KLHL29: variants seen among roughly 807,000 people sequenced by gnomAD.
The protein encoded by KLHL29 is kelch like family member 29.
KLHL29 carries 21 observed loss-of-function variants against 80.4 expected under a neutral mutation model. The ratio of observed to expected loss-of-function variants is 0.26; its 90% CI spans 0.19 to 0.38. KLHL29 has a LOEUF of 0.38. KLHL29 is among the 10% of genes least tolerant of loss of function. KLHL29 has a pLI of 1.00. For synonymous variants in KLHL29, 511 were observed against 526.8 expected, an observed-to-expected ratio of 0.97 and a Z score of 0.41; for missense variants, 867 against 1,223.9, an observed-to-expected ratio of 0.71 and a Z score of 4.35.
In KLHL29 at chr2:23,411,719, T is replaced by C. The variant is rs187624747; in HGVS notation, c.-154+25939T>C. 2.4e-4 allele frequency among the ~76,000 whole-genome samples: 36 copies of C among 152,250 alleles called. No homozygotes were observed. The East Asian group carries it at 6.6e-3, about 28-fold the overall frequency. ...GTACTGCTGGTTCTGCCTTCTCCAC[T>C]TCCCAGATGTGGGCATGGCAGCTCC... On this transcript the variant is annotated intron_variant, in intron 1 of 13. Coordinates refer to ENST00000486442, the MANE Select transcript of KLHL29 (RefSeq NM_052920.2).
intron 3 of KLHL29, among the ~76,000 whole-genome samples, chr2:23,609,005 C>G (rs1296600594): frequency 6.6e-6 from 1 of 152,186 alleles, no homozygotes; most frequent in African/African-American, 2.4e-5. Flanking sequence ...AGTATGAGAG[C>G]TCATTCGAGA....
At chr2:23,546,632 A>G (rs557531942) in intron 2 of KLHL29, among the ~76,000 whole-genome samples, 58 of 152,162 alleles carry the variant, frequency 3.8e-4, no homozygotes, top group African/African-American at 1.3e-3. Flanking sequence ...CCTAGGAGGG[A>G]AACTGAGGCT....
At chr2:23,392,274 C>T (rs992976438) in intron 1 of KLHL29, among the ~76,000 whole-genome samples, 1 of 152,218 alleles carries the variant, frequency 6.6e-6, no homozygotes, top group Non-Finnish European at 1.5e-5. Context: ...TTTAGTCATA[C>T]ACCAGGGCAT....
intron 3 of KLHL29, among the ~76,000 whole-genome samples, chr2:23,592,764 T>C (rs1273403049): frequency 6.6e-6 from 1 of 152,230 alleles, no homozygotes; most frequent in Non-Finnish European, 1.5e-5. Context: ...CAAGATTCTT[T>C]ATGAATCTGT....
intron 2 of KLHL29, among the ~76,000 whole-genome samples, chr2:23,560,029 C>T (rs991310286): frequency 6.6e-6 from 1 of 152,090 alleles, no homozygotes; most frequent in African/African-American, 2.4e-5. Flanking sequence ...TTGAGGACAG[C>T]GGCATAAATG....
rs565130217 is a variant in KLHL29 at position 23,503,704 on chromosome 2, G to A, written c.-46+28037G>A. Among the ~76,000 whole-genome samples, 19 of 152,286 alleles carry A rather than the reference G, an allele frequency of 1.2e-4. No homozygotes were observed. The highest frequency in any genetic ancestry group is 1.2e-3 in the Admixed American group (19 of 15,298). On this transcript the variant is annotated intron_variant, in intron 2 of 13. Coordinates refer to ENST00000486442, the MANE Select transcript of KLHL29 (RefSeq NM_052920.2). The surrounding 1 kb of genome is among the most constrained non-coding windows in gnomAD (Gnocchi z 4.0). ...CCCAGGCCCCCATGGATAAAATAGG[G>A]CCACAGGTGACAAGTGAGTTCTGTG...
At chr2:23,572,850 G>C (rs373708959) in intron 3 of KLHL29, among the ~76,000 whole-genome samples, 43 of 152,272 alleles carry the variant, frequency 2.8e-4, no homozygotes, top group African/African-American at 6.7e-4. Flanking sequence ...ACAGGCACCC[G>C]CCTCCGCGCC....
chr2:23,541,066 A>G (rs1666818685), intron 2 of KLHL29, among the ~76,000 whole-genome samples: 1 of 152,224 alleles, frequency 6.6e-6, no homozygotes, highest in Admixed American at 6.5e-5. Context: ...TGTGGGAAAG[A>G]AAGATCCTAC....
chr2:23,399,836 T>C (rs540071561), intron 1 of KLHL29, among the ~76,000 whole-genome samples: 1 of 152,232 alleles, frequency 6.6e-6, no homozygotes, highest in Non-Finnish European at 1.5e-5. Context: ...TGCACTCTTG[T>C]GTGCCCTGCT....
chr2:23,619,172 T>A (rs1558411021), intron 3 of KLHL29, among the ~76,000 whole-genome samples: 1 of 152,170 alleles, frequency 6.6e-6, no homozygotes, highest in African/African-American at 2.4e-5. Flanking sequence ...CACCCCCTGC[T>A]AGAAGGTAAA....
intron 1 of KLHL29, among the ~76,000 whole-genome samples, chr2:23,423,784 T>A (rs2103403907): frequency 6.6e-6 from 1 of 152,092 alleles, no homozygotes; most frequent in African/African-American, 2.4e-5. Flanking sequence ...CATCCTGGAG[T>A]GTCCTAGCCA....
chr2:23,445,011 A>C (rs1043640415), intron 1 of KLHL29, among the ~76,000 whole-genome samples: 26 of 152,254 alleles, frequency 1.7e-4, no homozygotes, highest in Admixed American at 1.3e-4. Context: ...CTGTGACTTT[A>C]AATGAAATGA....
intron 1 of KLHL29, among the ~76,000 whole-genome samples, chr2:23,417,381 G>GC (rs1403025942): frequency 6.6e-6 from 1 of 152,188 alleles, no homozygotes; most frequent in African/African-American, 2.4e-5. Context: ...TGACCGAAGT[G>GC]AATCATCTGC....
At chr2:23,460,161 T>C (rs1229264869) in intron 1 of KLHL29, among the ~76,000 whole-genome samples, 1 of 152,246 alleles carries the variant, frequency 6.6e-6, no homozygotes, top group African/African-American at 2.4e-5. Flanking sequence ...GGATATTTAT[T>C]ATGAGCACTA....
chr2:23,398,571 A>T (rs980746482), intron 1 of KLHL29, among the ~76,000 whole-genome samples: 11 of 152,238 alleles, frequency 7.2e-5, no homozygotes, highest in Non-Finnish European at 1.5e-5. Context: ...GGTTTTGCAG[A>T]TGCTGCTGCC....
intron 1 of KLHL29, among the ~76,000 whole-genome samples, chr2:23,410,372 C>A (rs1404312153): frequency 6.6e-6 from 1 of 152,072 alleles, no homozygotes; most frequent in Admixed American, 6.5e-5. Context: ...AGAGGGATGT[C>A]TCAAGGTGAC....
chr2:23,530,013 T>C (rs919976126), intron 2 of KLHL29, among the ~76,000 whole-genome samples: 2 of 151,424 alleles, frequency 1.3e-5, no homozygotes, highest in African/African-American at 4.9e-5. Flanking sequence ...TCAGTCCGGC[T>C]CTTTCCATGT....
chr2:23,438,670 C>T (rs1056660834), intron 1 of KLHL29, among the ~76,000 whole-genome samples: 5 of 149,332 alleles, frequency 3.3e-5, no homozygotes, highest in Admixed American at 6.7e-5. Flanking sequence ...CCCACTTGAT[C>T]GTGGTGGATA....
intron 2 of KLHL29, among the ~76,000 whole-genome samples, chr2:23,528,032 T>G (rs55637974): frequency 0.19 from 28,310 of 152,218 alleles, 3,368 homozygotes; most frequent in Middle Eastern, 0.29. Context: ...TTTGTTGCTC[T>G]TTTGGGAAAA....
Sources: gnomAD v4.1 joint callset for allele counts (sites outside exome capture counted in the v4.1 genomes callset) on GRCh38, gnomAD v4.1.1 for gene constraint, Gnocchi (gnomAD v3.1) non-coding constraint, MANE v1.5 for transcripts, NCBI Gene and HGNC (gene_info 2026-07-23, HGNC 2026-07-21) for gene names.